The following ABHD3 variants were observed in gnomAD, a reference collection of about 807,000 sequenced individuals.
ABHD3 encodes phospholipase ABHD3.
A neutral mutation model predicts 48.8 loss-of-function variants in ABHD3; 46 were observed. That is an observed-to-expected ratio of 0.94 (90% CI 0.74 to 1.20). The LOEUF is 1.20. Ranked by LOEUF, ABHD3 falls within the 50% of genes most tolerant of loss-of-function variation. ABHD3 has a pLI of 0.00. For synonymous variants in ABHD3, 192 were observed against 183.7 expected (o/e 1.04, Z -0.36); for missense variants, 490 against 497.8 (o/e 0.98, Z 0.15).
At chr18:21,668,651 A>AAG (rs2039691293) in intron 4 of ABHD3, among the ~76,000 whole-genome samples, 1 of 152,158 alleles carries the variant, frequency 6.6e-6, no homozygotes, top group Non-Finnish European at 1.5e-5. Flanking sequence ...TAAGAACCTA[A>AAG]TTCTTGTAAA....
intron 4 of ABHD3, among the ~76,000 whole-genome samples, chr18:21,668,057 C>T (rs1055746938): frequency 6.6e-6 from 1 of 151,118 alleles, no homozygotes; most frequent in African/African-American, 2.4e-5. Context: ...AAAAATTAGC[C>T]GGGTGTGGTG....
At chr18:21,668,775 A>G (rs1598524307) in intron 4 of ABHD3, among the ~76,000 whole-genome samples, 1 of 152,336 alleles carries the variant, frequency 6.6e-6, no homozygotes, top group East Asian at 1.9e-4. Context: ...TAAGATCAAC[A>G]CTGATAATAT....
chr18:21,682,657 T>TA (rs2040030580), intron 4 of ABHD3: 1 of 152,298 alleles, frequency 6.6e-6, no homozygotes, highest in South Asian at 2.1e-4. Flanking sequence ...AATGAACAGA[T>TA]CTTTGTCCCT....
chr18:21,691,134 C>T (rs1349045475), intron 3 of ABHD3, among the ~76,000 whole-genome samples: 8 of 151,008 alleles, frequency 5.3e-5, no homozygotes, highest in Admixed American at 3.3e-4. Context: ...AAAAAAAGAA[C>T]GAAGTGGCTA....
In ABHD3 at chr18:21,685,115, A is replaced by G. The variant is rs536974585; in HGVS notation, c.510-1150T>C. On this transcript the variant is annotated intron_variant, in intron 3 of 8. Transcript: ENST00000289119. ...TTTACCATCCTTAGACAAAATCTTG[A>G]TTTGTGTCTACACAGGTTCTCACTG... Among the ~76,000 whole-genome samples, 8 of 152,370 alleles carry G rather than the reference A, an allele frequency of 5.3e-5. No homozygotes were observed. The East Asian group carries it at 1.3e-3, about 26-fold the overall frequency.
chr18:21,688,841 G>A (rs747164338), intron 3 of ABHD3, among the ~76,000 whole-genome samples: 1 of 152,192 alleles, frequency 6.6e-6, no homozygotes, highest in African/African-American at 2.4e-5. Context: ...GATATAAGGT[G>A]AGTATGTATT....
At chr18:21,684,092 TA>T in intron 3 of ABHD3, 127 bp from the exon 4 acceptor site, 1 of 779,356 alleles carries the variant, frequency 1.3e-6, no homozygotes, top group Non-Finnish European at 2.0e-6. Flanking sequence ...CTTGTAGTTG[TA>T]ATGTTTGGCA....
In ABHD3 at chr18:21,703,702, G is replaced by A. The variant is rs1054283995; in HGVS notation, c.208C>T (p.Gln70Ter). 3.3e-5 allele frequency: 54 copies of A among 1,614,122 alleles called. No homozygotes were observed. Among genetic ancestry groups the A allele is most frequent in the Non-Finnish European group, 4.4e-5 (52 of 1,180,024 alleles). Residue 70 changes from glutamine to a stop codon, truncating the protein, a stop_gained, in exon 2 of 9, where the codon CAA (glutamine) becomes TAA (stop). Coordinates refer to ENST00000289119, the MANE Select transcript of ABHD3 (RefSeq NM_138340.5). LOFTEE classifies it high-confidence loss of function. The part of the protein sequence containing the change: ...TGGESFSRFL[Q>*]DHCPVVTETY... ...TCTGTAACCACGGGACAGTGGTCTTGAAGGAAGCGGCTGAAACTCTCACCC... is the reference window on the plus strand; with the variant it reads ...TCTGTAACCACGGGACAGTGGTCTTAAAGGAAGCGGCTGAAACTCTCACCC...
intron 4 of ABHD3, among the ~76,000 whole-genome samples, chr18:21,676,273 A>C (rs1197513931): frequency 6.6e-6 from 1 of 152,252 alleles, no homozygotes; most frequent in East Asian, 1.9e-4. Flanking sequence ...TCATTTACTC[A>C]TTTAAATGTT....
chr18:21,676,178 A>G (rs1356605917), intron 4 of ABHD3, among the ~76,000 whole-genome samples: 1 of 152,164 alleles, frequency 6.6e-6, no homozygotes, highest in African/African-American at 2.4e-5. Context: ...GTCTACAACA[A>G]TATTTTATAG....
chr18:21,688,692 A>G (rs2040179787), intron 3 of ABHD3, among the ~76,000 whole-genome samples: 1 of 152,216 alleles, frequency 6.6e-6, no homozygotes, highest in Non-Finnish European at 1.5e-5. Flanking sequence ...ATAAAACCCT[A>G]TGAGGTCAGG....
At chr18:21,693,091 T>C (rs2040289053) in intron 3 of ABHD3, among the ~76,000 whole-genome samples, 1 of 152,218 alleles carries the variant, frequency 6.6e-6, no homozygotes, top group Non-Finnish European at 1.5e-5. Flanking sequence ...TGGAGTGGCA[T>C]CTTCTTCGTA....
In ABHD3 at chr18:21,690,359, C is replaced by T. The variant is rs570709146; in HGVS notation, c.510-6394G>A. Among the ~76,000 whole-genome samples the T allele has an allele frequency of 7.2e-5, 11 of 151,950 alleles. No individual in the cohort carries two copies. In the South Asian group the frequency reaches 1.0e-3, roughly 14 times the overall value. ...ACTCACCCCTGTAATTACAGCACTT[C>T]GGGAGGCCGGGGCAGGCAAATCACT... On this transcript the variant is annotated intron_variant, in intron 3 of 8. Transcript: ENST00000289119.
chr18:21,691,288 T>C (rs2146327971), intron 3 of ABHD3, among the ~76,000 whole-genome samples: 1 of 152,278 alleles, frequency 6.6e-6, no homozygotes, highest in South Asian at 2.1e-4. Flanking sequence ...GCAAAATTAA[T>C]AGAATTAAAT....
rs1042869095 is a variant in ABHD3, at chr18:21,654,977, A to G, written c.1057+1884T>C. The G allele has an allele frequency of 3.9e-5, 6 of 152,220 alleles. No homozygotes were observed. The South Asian group carries it at 1.2e-3, about 31-fold the overall frequency. 9.4% of individuals were successfully genotyped at this position (152,220 alleles called of 1,614,324 possible). A position where few individuals can be genotyped will look rare whatever the true frequency, so the allele number is the denominator to read the frequency against. On this transcript the variant is annotated intron_variant, in intron 8 of 8. Coordinates refer to ENST00000289119, the MANE Select transcript of ABHD3 (RefSeq NM_138340.5). Reference sequence around the variant, plus strand: ...AGAAATACTGGACTTCCTTAATCCAATGAAAATATGCTAAAACAATCACCA... The same window carrying G: ...AGAAATACTGGACTTCCTTAATCCAGTGAAAATATGCTAAAACAATCACCA...
rs772523934 is a variant in ABHD3 at position 21,653,077 on chromosome 18, A to AAAAAAAAAAAAAAAAG, written c.1058-1315_1058-1314insCTTTTTTTTTTTTTTT. 3.9e-5 allele frequency among the ~76,000 whole-genome samples: 3 copies of AAAAAAAAAAAAAAAAG among 76,154 alleles called. 1 individual carries two copies. The highest frequency in any genetic ancestry group is 1.7e-4 in the Admixed American group (1 of 5,730). 50.0% of individuals were successfully genotyped at this position (76,154 alleles called of 152,430 possible). ...CAAAAAAAAAAAAAAAAAAAAAAAAAAAAGAGCTGGGTGTGGTGGCTCACG... is the reference window on the plus strand; with the variant it reads ...CAAAAAAAAAAAAAAAAAAAAAAAAAAAAAAAAAAAAAAAAGAAAGAGCTGGGTGTGGTGGCTCACG... On this transcript the variant is annotated intron_variant, in intron 8 of 8. Transcript: ENST00000289119.
chr18:21,663,804 A>T (rs1210060818), intron 5 of ABHD3: 1 of 1,533,386 alleles, frequency 6.5e-7, no homozygotes. Context: ...GATGGCTGGG[A>T]GTGCGTCAGG....
At chr18:21,700,311 C>T (rs928655553) in intron 3 of ABHD3, among the ~76,000 whole-genome samples, 4 of 151,934 alleles carry the variant, frequency 2.6e-5, no homozygotes, top group East Asian at 1.9e-4. Flanking sequence ...AGGCTGGTCT[C>T]GAACTCCTGA....
At chr18:21,697,246 T>G (rs971896278) in intron 3 of ABHD3, among the ~76,000 whole-genome samples, 2 of 151,826 alleles carry the variant, frequency 1.3e-5, no homozygotes, top group African/African-American at 4.8e-5. Context: ...TGGCTAATTT[T>G]TGTATTTTAG....
Sources: gnomAD v4.1 joint callset for allele counts (sites outside exome capture counted in the v4.1 genomes callset) on GRCh38, gnomAD v4.1.1 for gene constraint, MANE v1.5 for transcripts, NCBI Gene and HGNC (gene_info 2026-07-23, HGNC 2026-07-21) for gene names.